ANKH: variants seen among roughly 807,000 people sequenced by gnomAD.
The protein encoded by ANKH is mineralization regulator ANKH.
In ANKH, 15 loss-of-function variants were observed where a neutral mutation model predicts 49.0. That is an observed-to-expected ratio of 0.31 (90% CI 0.20 to 0.47). The LOEUF is 0.47. ANKH is among the 20% of genes least tolerant of loss of function. The pLI is 1.00. For missense variants in ANKH, 429 were observed against 652.0 expected, an observed-to-expected ratio of 0.66 and a Z score of 3.72; for synonymous variants, 273 against 260.0, an observed-to-expected ratio of 1.05 and a Z score of -0.48.
chr5:14,860,591 C>T (rs888503817), intron 1 of ANKH, among the ~76,000 whole-genome samples: 2 of 152,096 alleles, frequency 1.3e-5, no homozygotes, highest in Non-Finnish European at 2.9e-5. Context: ...ACCCAGTGGC[C>T]AGTCGATCTC....
rs143350623 is a variant in ANKH, at chr5:14,728,514, C to T, written c.1012-11679G>A. ...AGTGGAGCCGGGAACAATGGGGTGG[C>T]AGTCTCCACCTCACGGCGTGGGGGT... On this transcript the variant is annotated intron_variant, in intron 8 of 11. Transcript: ENST00000284268. Among the ~76,000 whole-genome samples the T allele has an allele frequency of 4.9e-3, 739 of 152,104 alleles. 6 individuals carry two copies. The highest frequency in any genetic ancestry group is 0.017 in the African/African-American group (701 of 41,412).
chr5:14,750,761 T>C (rs1173030656), intron 5 of ANKH, among the ~76,000 whole-genome samples: 4 of 152,120 alleles, frequency 2.6e-5, no homozygotes, highest in Non-Finnish European at 4.4e-5. Flanking sequence ...GACTGCAGAA[T>C]AACTTATAAG....
chr5:14,750,534 G>A (rs1738677917), intron 5 of ANKH, among the ~76,000 whole-genome samples: 1 of 152,162 alleles, frequency 6.6e-6, no homozygotes, highest in Non-Finnish European at 1.5e-5. Context: ...TGATCTGCCA[G>A]ATGGGATATG....
chr5:14,827,338 G>C (rs1047132490), intron 1 of ANKH, among the ~76,000 whole-genome samples: 6 of 152,200 alleles, frequency 3.9e-5, no homozygotes, highest in African/African-American at 1.2e-4. Flanking sequence ...TAAGTGATCT[G>C]CCTCAGGTGC....
At chr5:14,711,372 C>T (rs909800502) in intron 11 of ANKH, 62 bp from the exon 12 acceptor site, 11 of 1,431,250 alleles carry the variant, frequency 7.7e-6, no homozygotes, top group African/African-American at 5.6e-5. Flanking sequence ...AGCAGAACCA[C>T]GAGCAGGGAG....
chr5:14,844,006 G>A (rs968083409), intron 1 of ANKH, among the ~76,000 whole-genome samples: 2 of 152,166 alleles, frequency 1.3e-5, no homozygotes, highest in East Asian at 1.9e-4. Flanking sequence ...GGGAAAAACC[G>A]TGTTCCTGCA....
chr5:14,709,898 T>C lies in ANKH; in HGVS notation c.*1299A>G, dbSNP rs1218629532. 1.3e-5 allele frequency: 2 copies of C among 152,620 alleles called. No homozygotes were observed. The highest frequency in any genetic ancestry group is 3.8e-4 in the East Asian group (2 of 5,204). 9.5% of individuals were successfully genotyped at this position (152,620 alleles called of 1,614,324 possible). A position where few individuals can be genotyped will look rare whatever the true frequency, so the allele number is the denominator to read the frequency against. ...AATAAATTACATAACATATACAGCATATATTTATATCTTTAAAATATTTTT... is the reference window on the plus strand; with the variant it reads ...AATAAATTACATAACATATACAGCACATATTTATATCTTTAAAATATTTTT... On this transcript the variant is annotated 3_prime_UTR_variant, in exon 12 of 12. Transcript: ENST00000284268.
rs1362145616 is a variant in ANKH, at chr5:14,770,056, T to C, written c.97-865A>G. Among the ~76,000 whole-genome samples, 8 of 152,184 alleles carry C rather than the reference T, an allele frequency of 5.3e-5. No individual in the cohort carries two copies. Among genetic ancestry groups the C allele is most frequent in the Admixed American group, 3.3e-4 (5 of 15,286 alleles). ...GTCCAGGTAGAGAGAGCTTTCTGAC[T>C]AAAATGCCTCTAGAACATTGCATCT... is the stretch of plus-strand genomic sequence containing the variant. On this transcript the variant is annotated intron_variant, in intron 1 of 11. Coordinates refer to ENST00000284268, the MANE Select transcript of ANKH (RefSeq NM_054027.6). The surrounding 1 kb of genome is among the most constrained non-coding windows in gnomAD (Gnocchi z 4.1).
intron 1 of ANKH, among the ~76,000 whole-genome samples, chr5:14,774,958 A>G (rs1174159192): frequency 2.6e-5 from 4 of 152,178 alleles, no homozygotes; most frequent in Non-Finnish European, 5.9e-5. Context: ...TATTCACAGA[A>G]AGTATGATTC....
At chr5:14,835,296 G>C (rs533709186) in intron 1 of ANKH, among the ~76,000 whole-genome samples, 1 of 152,224 alleles carries the variant, frequency 6.6e-6, no homozygotes, top group East Asian at 1.9e-4. Context: ...CTGTCCCTCT[G>C]GTTAGTCACA....
chr5:14,740,341 A>C (rs535810134), intron 8 of ANKH, among the ~76,000 whole-genome samples: 68 of 152,282 alleles, frequency 4.5e-4, no homozygotes, highest in Admixed American at 2.7e-3. Flanking sequence ...AATGGTTTCA[A>C]AGTTGCTCAG....
At chr5:14,815,310 A>G (rs1370830509) in intron 1 of ANKH, among the ~76,000 whole-genome samples, 1 of 152,044 alleles carries the variant, frequency 6.6e-6, no homozygotes, top group African/African-American at 2.4e-5. Flanking sequence ...AATGAGAGAG[A>G]TTTCCCCCCA....
chr5:14,741,825 A>C lies in ANKH; in HGVS notation c.1011+2T>G. On this transcript the variant is annotated splice_donor_variant, in intron 8 of 11. Transcript: ENST00000284268. LOFTEE classifies it high-confidence loss of function. ...AGAGGCAGAGAGAGCCTCTGTCCTT[A>C]CCGTGAGTGACAGAGCCATGCAGAC... is the stretch of plus-strand genomic sequence containing the variant. 2 of 1,611,592 alleles carry C rather than the reference A, an allele frequency of 1.2e-6. No homozygotes were observed. Among genetic ancestry groups the C allele is most frequent in the Non-Finnish European group, 1.7e-6 (2 of 1,177,750 alleles).
At chr5:14,854,445 C>T (rs1030098400) in intron 1 of ANKH, among the ~76,000 whole-genome samples, 4 of 152,066 alleles carry the variant, frequency 2.6e-5, no homozygotes, top group African/African-American at 4.8e-5. Flanking sequence ...TTTGGGTGGT[C>T]GAGGCAGAAG....
At chr5:14,744,491 A>G (rs1738464052) in intron 7 of ANKH, among the ~76,000 whole-genome samples, 1 of 152,224 alleles carries the variant, frequency 6.6e-6, no homozygotes, top group South Asian at 2.1e-4. Flanking sequence ...GAGACAGGGA[A>G]GAGTGGCCTG....
At chr5:14,814,765 C>A (rs969345733) in intron 1 of ANKH, among the ~76,000 whole-genome samples, 1 of 152,174 alleles carries the variant, frequency 6.6e-6, no homozygotes, top group African/African-American at 2.4e-5. Context: ...TTGGATCAGT[C>A]CATCTTCTAT....
At chr5:14,746,814 C>T (rs1291053518) in intron 6 of ANKH, among the ~76,000 whole-genome samples, 10 of 152,156 alleles carry the variant, frequency 6.6e-5, no homozygotes, top group Non-Finnish European at 1.5e-5. Flanking sequence ...TTCACTGTCT[C>T]AGTCATATTT....
intron 1 of ANKH, among the ~76,000 whole-genome samples, chr5:14,863,270 A>G (rs1046913068): frequency 3.3e-5 from 5 of 152,320 alleles, no homozygotes; most frequent in Middle Eastern, 3.4e-3. Context: ...AGAAGGCCAC[A>G]ACACTACTGG....
chr5:14,772,698 A>G (rs535268426), intron 1 of ANKH, among the ~76,000 whole-genome samples: 1 of 152,288 alleles, frequency 6.6e-6, no homozygotes, highest in African/African-American at 2.4e-5. Context: ...CCACTTGACA[A>G]TTTACCCAAT....
Sources: gnomAD v4.1 joint callset for allele counts (sites outside exome capture counted in the v4.1 genomes callset) on GRCh38, gnomAD v4.1.1 for gene constraint, Gnocchi (gnomAD v3.1) non-coding constraint, MANE v1.5 for transcripts, NCBI Gene and HGNC (gene_info 2026-07-23, HGNC 2026-07-21) for gene names.